ANKHD1: variants seen among roughly 807,000 people sequenced by gnomAD.
ANKHD1 encodes the protein ankyrin repeat and KH domain containing 1.
A neutral mutation model predicts 230.5 loss-of-function variants in ANKHD1; 31 were observed. The ratio of observed to expected loss-of-function variants is 0.13; its 90% CI spans 0.10 to 0.18. The LOEUF (loss-of-function observed/expected upper bound fraction) is 0.18, where lower values mean the gene tolerates loss of function less well. ANKHD1 is among the 10% of genes least tolerant of loss of function. The pLI is 1.00. For missense variants in ANKHD1, 2,256 were observed against 3,071.3 expected (o/e 0.73, Z 6.27); for synonymous variants, 1,074 against 1,117.6 (o/e 0.96, Z 0.78).
intron 30 of ANKHD1, 96 bp from the exon 31 acceptor site, chr5:140,537,293 G>C: frequency 6.7e-7 from 1 of 1,486,986 alleles, no homozygotes. Flanking sequence ...TATTCTTATA[G>C]TTTTTTATAT....
intron 1 of ANKHD1, among the ~76,000 whole-genome samples, chr5:140,432,895 G>C (rs1773154261): frequency 6.6e-6 from 1 of 152,104 alleles, no homozygotes; most frequent in African/African-American, 2.4e-5. Context: ...GTAGAGACAA[G>C]ATCTCACTAG....
At chr5:140,421,898 A>G (rs996536285) in intron 1 of ANKHD1, among the ~76,000 whole-genome samples, 1 of 152,104 alleles carries the variant, frequency 6.6e-6, no homozygotes, top group African/African-American at 2.4e-5. Context: ...CCTATTACCA[A>G]CCCCTCAACA....
chr5:140,415,328 G>A (rs1231886066), intron 1 of ANKHD1, among the ~76,000 whole-genome samples: 36 of 150,852 alleles, frequency 2.4e-4, no homozygotes, highest in Admixed American at 2.2e-3. Context: ...GTTGCAGTGA[G>A]CTGAGATCTT....
At chr5:140,417,623 G>T (rs1771502125) in intron 1 of ANKHD1, among the ~76,000 whole-genome samples, 2 of 151,710 alleles carry the variant, frequency 1.3e-5, no homozygotes, top group South Asian at 4.2e-4. Context: ...GCTAATTTTT[G>T]TATTTTTTGT....
At chr5:140,483,515 T>A (rs376750873) in intron 11 of ANKHD1, among the ~76,000 whole-genome samples, 1 of 145,184 alleles carries the variant, frequency 6.9e-6, no homozygotes, top group African/African-American at 2.6e-5. Flanking sequence ...TGGAGTGCAA[T>A]GGCGCCAACT....
intron 10 of ANKHD1, 101 bp from the exon 11 acceptor site, chr5:140,482,479 T>G: frequency 7.7e-7 from 1 of 1,305,532 alleles, no homozygotes; most frequent in Non-Finnish European, 1.0e-6. Context: ...AATGAGTAAG[T>G]ATATTAAATC....
chr5:140,537,516 C>T lies in ANKHD1; in HGVS notation c.7155C>T (p.Ala2385=). The T allele has an allele frequency of 6.2e-7, 1 of 1,613,660 alleles. No individual in the cohort carries two copies. Among genetic ancestry groups the T allele is most frequent in the Non-Finnish European group, 8.5e-7 (1 of 1,179,808 alleles). ...GGCAAGGAGGGTCTGTTGCACAAGC[C>T]CCGGCGGGGACCAGTTTTGTCGCTC... is the stretch of plus-strand genomic sequence containing the variant. ...RIRQGGSVAQ[A]PAGTSFVAPV... The change falls in exon 31 of 34, where the codon GCC becomes GCT. Residue 2385 remains alanine (A), a synonymous_variant. Transcript: ENST00000360839.
At chr5:140,538,563 T>C (rs151158807) in intron 32 of ANKHD1, among the ~76,000 whole-genome samples, 8 of 152,360 alleles carry the variant, frequency 5.3e-5, no homozygotes, top group Non-Finnish European at 1.0e-4. Flanking sequence ...TCTTGTCTGC[T>C]CTGACAGCTT....
chr5:140,509,940 A>G (rs1304866225), intron 21 of ANKHD1, 79 bp from the exon 22 acceptor site: 1 of 1,546,656 alleles, frequency 6.5e-7, no homozygotes, highest in Non-Finnish European at 8.7e-7. Flanking sequence ...GTTATTTTGT[A>G]AAAGAAGAAG....
At chr5:140,516,324 T>TG (rs1753007829) in intron 24 of ANKHD1, among the ~76,000 whole-genome samples, 1 of 152,138 alleles carries the variant, frequency 6.6e-6, no homozygotes, top group South Asian at 2.1e-4. Context: ...GTCTGATTGG[T>TG]GTACCTGAAA....
At chr5:140,437,173 A>C (rs1773515429) in intron 2 of ANKHD1, among the ~76,000 whole-genome samples, 1 of 152,190 alleles carries the variant, frequency 6.6e-6, no homozygotes, top group Non-Finnish European at 1.5e-5. Context: ...GTATCCTTCC[A>C]TGACAGTTTA....
chr5:140,450,530 GTCTCTCTCTC>G (rs148476012), intron 7 of ANKHD1, among the ~76,000 whole-genome samples: 46 of 148,098 alleles, frequency 3.1e-4, no homozygotes, highest in African/African-American at 1.0e-3. Flanking sequence ...TTTTCTATTG[GTCTCTCTCTC>G]TCTCTCTCTT....
chr5:140,454,088 T>A (rs1774965833), intron 7 of ANKHD1, among the ~76,000 whole-genome samples: 1 of 152,112 alleles, frequency 6.6e-6, no homozygotes, highest in Admixed American at 6.6e-5. Flanking sequence ...AAACAGACTT[T>A]AAACCAACAA....
chr5:140,519,471 T>A (rs911462489), intron 24 of ANKHD1, among the ~76,000 whole-genome samples: 16 of 152,150 alleles, frequency 1.1e-4, no homozygotes, highest in African/African-American at 3.9e-4. Flanking sequence ...CATCGCCAAG[T>A]CAGTCCTACG....
chr5:140,469,580 G>A (rs1017733047), intron 10 of ANKHD1, among the ~76,000 whole-genome samples: 21 of 151,984 alleles, frequency 1.4e-4, no homozygotes, highest in African/African-American at 3.6e-4. Context: ...AAGTTTTAGC[G>A]AACTATAGAA....
chr5:140,459,444 A>G, intron 9 of ANKHD1, 89 bp downstream of exon 9: 1 of 1,399,784 alleles, frequency 7.1e-7, no homozygotes. Flanking sequence ...AGCTCCTAGT[A>G]GATAATAGAA....
intron 3 of ANKHD1, among the ~76,000 whole-genome samples, chr5:140,439,059 G>T (rs902646180): frequency 6.6e-6 from 1 of 152,064 alleles, no homozygotes; most frequent in African/African-American, 2.4e-5. Flanking sequence ...TGTGAGAAAT[G>T]CAGAATCCCG....
Position 140,505,185 on chromosome 5 carries a change from T to C in ANKHD1, c.3214T>C (p.Ser1072Pro). ...TGCAGGTGGTCATGAAGAACTTGTA[T>C]CTGTGCTCATTGCACGGGATGCCAA... ...ACAGGHEELV[S>P]VLIARDAKIE... Residue 1072 changes from serine (S) to proline (P), a missense_variant, in exon 17 of 34, where the codon TCT (serine) becomes CCT (proline). By Grantham distance (74) the Ser-to-Pro change is moderately conservative. This residue lies in a region of ANKHD1 where 63 missense variants were observed against 125.5 expected (regional missense o/e 0.50). Coordinates refer to ENST00000360839, the MANE Select transcript of ANKHD1 (RefSeq NM_017747.3). The C allele has an allele frequency of 6.2e-7, 1 of 1,614,180 alleles. No homozygotes were observed. The highest frequency in any genetic ancestry group is 8.5e-7 in the Non-Finnish European group (1 of 1,180,014).
At chr5:140,521,834 T>TA (rs1282478865) in intron 24 of ANKHD1, among the ~76,000 whole-genome samples, 6 of 151,304 alleles carry the variant, frequency 4.0e-5, no homozygotes, top group Admixed American at 1.3e-4. Context: ...CAAAAATTAG[T>TA]CAGGCATGGT....
Sources: gnomAD v4.1 joint callset for allele counts (sites outside exome capture counted in the v4.1 genomes callset) on GRCh38, gnomAD v4.1.1 for gene constraint, gnomAD v4.1.1 regional missense constraint, MANE v1.5 for transcripts, NCBI Gene and HGNC (gene_info 2026-07-23, HGNC 2026-07-21) for gene names.